SLCO1B3: variants seen among roughly 807,000 people sequenced by gnomAD.
SLCO1B3 encodes solute carrier organic anion transporter family member 1B3.
SLCO1B3 carries 72 observed loss-of-function variants against 71.8 expected under a neutral mutation model. That is an observed-to-expected ratio of 1.00 (90% CI 0.83 to 1.22). The LOEUF is 1.22. SLCO1B3 is among the 50% of genes most tolerant of loss of function. The pLI, the probability that SLCO1B3 is intolerant of heterozygous loss-of-function variation, is 0.00. For missense variants in SLCO1B3, 911 were observed against 819.7 expected, an observed-to-expected ratio of 1.11 and a Z score of -1.36; for synonymous variants, 298 against 278.4, an observed-to-expected ratio of 1.07 and a Z score of -0.70.
chr12:20,849,683 A>G (rs1864983254), intron 3 of SLCO1B3, among the ~76,000 whole-genome samples: 1 of 59,276 alleles, frequency 1.7e-5, no homozygotes, highest in Admixed American at 2.4e-4. Context: ...TAGAGCTAAT[A>G]AATAAAGAAA....
chr12:20,869,486 T>G (rs770557265), intron 8 of SLCO1B3, among the ~76,000 whole-genome samples: 20 of 152,188 alleles, frequency 1.3e-4, no homozygotes, highest in Non-Finnish European at 2.8e-4. Context: ...AAGATCTATA[T>G]CTGGTATAAC....
intron 13 of SLCO1B3, among the ~76,000 whole-genome samples, chr12:20,896,772 G>A (rs1425242251): frequency 6.6e-6 from 1 of 152,066 alleles, no homozygotes; most frequent in Non-Finnish European, 1.5e-5. Flanking sequence ...TACTGTATTA[G>A]TTTGTTTTTA....
chr12:20,915,985 C>G lies in SLCO1B3; in HGVS notation c.1866-19C>G. ...CACATTTAAAATAATAATCGACTCT[C>G]TATTTTCTCTTTTCACAGAAGGGTC... is the stretch of plus-strand genomic sequence containing the variant. On this transcript the variant is annotated intron_variant, in intron 15 of 15. Coordinates refer to ENST00000381545, the MANE Select transcript of SLCO1B3 (RefSeq NM_019844.4). 1.3e-6 allele frequency: 2 copies of G among 1,563,456 alleles called. No homozygotes were observed. The highest frequency in any genetic ancestry group is 1.7e-6 in the Non-Finnish European group (2 of 1,150,256).
intron 3 of SLCO1B3, among the ~76,000 whole-genome samples, chr12:20,853,427 T>G (rs1368586831): frequency 1.3e-5 from 2 of 152,046 alleles, no homozygotes; most frequent in African/African-American, 2.4e-5. Context: ...TCTGTTCAGA[T>G]TTTTAAAATT....
chr12:20,849,340 A>G (rs1177360904), intron 3 of SLCO1B3, among the ~76,000 whole-genome samples: 12 of 151,988 alleles, frequency 7.9e-5, no homozygotes, highest in Non-Finnish European at 1.3e-4. Flanking sequence ...TGCATTTGAC[A>G]CAAATCCAAC....
At chr12:20,851,907 G>A (rs1486054903) in intron 3 of SLCO1B3, among the ~76,000 whole-genome samples, 1 of 65,764 alleles carries the variant, frequency 1.5e-5, no homozygotes, top group Non-Finnish European at 5.4e-5. Flanking sequence ...AATTGTTGAA[G>A]AGACTGGTTC....
intron 2 of SLCO1B3, among the ~76,000 whole-genome samples, chr12:20,815,146 A>G (rs970630020): frequency 6.6e-6 from 1 of 152,044 alleles, no homozygotes; most frequent in Non-Finnish European, 1.5e-5. Flanking sequence ...AAACAAATCC[A>G]AACTTTATCT....
intron 13 of SLCO1B3, among the ~76,000 whole-genome samples, chr12:20,889,673 T>A (rs993810260): frequency 2.6e-5 from 4 of 152,138 alleles, no homozygotes; most frequent in Non-Finnish European, 4.4e-5. Flanking sequence ...CCTTTGTAAT[T>A]TTTTTGCCCA....
Position 20,898,471 on chromosome 12 carries a change from GT to G in SLCO1B3, c.1721del (p.Phe574SerfsTer6). ...VQPELKALAM[G>X]FQSMVIRTLG... is the part of the protein sequence containing the mutation. ...CCTGAATTGAAAGCACTTGCAATGG[GT>G]TTCCAGTCAATGGTTATAAGAACAC... On this transcript the variant is annotated frameshift_variant, in exon 14 of 16. Transcript: ENST00000381545. LOFTEE classifies it high-confidence loss of function. 1 of 1,595,482 alleles carries G rather than the reference GT, an allele frequency of 6.3e-7. No homozygotes were observed. The highest frequency in any genetic ancestry group is 8.6e-7 in the Non-Finnish European group (1 of 1,166,202).
chr12:20,848,390 G>A (rs1454906255), intron 3 of SLCO1B3, among the ~76,000 whole-genome samples: 4 of 152,138 alleles, frequency 2.6e-5, no homozygotes, highest in Admixed American at 1.3e-4. Flanking sequence ...TGGTAGGAAT[G>A]CAAAATGGTA....
At chr12:20,886,484 G>A (rs1865795504) in intron 13 of SLCO1B3, among the ~76,000 whole-genome samples, 1 of 152,050 alleles carries the variant, frequency 6.6e-6, no homozygotes, top group Non-Finnish European at 1.5e-5. Context: ...GGAAACTGAG[G>A]AGGTCCCATG....
chr12:20,884,513 A>G (rs998364119), intron 13 of SLCO1B3, among the ~76,000 whole-genome samples: 2 of 152,094 alleles, frequency 1.3e-5, no homozygotes, highest in African/African-American at 4.8e-5. Flanking sequence ...AGGAATGAAA[A>G]GAAGCCAGTT....
At chr12:20,893,350 G>C (rs774050185) in intron 13 of SLCO1B3, among the ~76,000 whole-genome samples, 4 of 152,192 alleles carry the variant, frequency 2.6e-5, no homozygotes. Flanking sequence ...ATGACAGGGA[G>C]TTTGGAATGA....
chr12:20,822,890 T>G (rs1268630920), intron 3 of SLCO1B3, among the ~76,000 whole-genome samples: 1 of 152,180 alleles, frequency 6.6e-6, no homozygotes, highest in Non-Finnish European at 1.5e-5. Flanking sequence ...TATTTTCCTT[T>G]CATACCCCTG....
chr12:20,829,337 T>A (rs1378763845), intron 3 of SLCO1B3, among the ~76,000 whole-genome samples: 1 of 152,134 alleles, frequency 6.6e-6, no homozygotes, highest in African/African-American at 2.4e-5. Flanking sequence ...CTCTCTACCA[T>A]CCTAGAAGCA....
At chr12:20,832,649 T>C (rs1864569366) in intron 3 of SLCO1B3, among the ~76,000 whole-genome samples, 1 of 152,162 alleles carries the variant, frequency 6.6e-6, no homozygotes, top group Non-Finnish European at 1.5e-5. Flanking sequence ...CATGGTGGCC[T>C]TTTTGCTGTT....
At chr12:20,905,613 G>A (rs187626427) in intron 15 of SLCO1B3, among the ~76,000 whole-genome samples, 69 of 152,212 alleles carry the variant, frequency 4.5e-4, no homozygotes, top group African/African-American at 1.6e-3. Context: ...CTAGAGCAGG[G>A]ACAAAATGCC....
At chr12:20,856,916 G>C (rs536554293) in intron 4 of SLCO1B3, among the ~76,000 whole-genome samples, 29 of 152,214 alleles carry the variant, frequency 1.9e-4, no homozygotes, top group African/African-American at 6.7e-4. Context: ...GGTGTCTACA[G>C]AGCATCTTAG....
At chr12:20,870,030 A>G (rs902635103) in intron 8 of SLCO1B3, among the ~76,000 whole-genome samples, 4 of 152,112 alleles carry the variant, frequency 2.6e-5, no homozygotes, top group Non-Finnish European at 5.9e-5. Context: ...AGCCATCCTA[A>G]TGGGTGTATG....
Sources: gnomAD v4.1 joint callset for allele counts (sites outside exome capture counted in the v4.1 genomes callset) on GRCh38, gnomAD v4.1.1 for gene constraint, MANE v1.5 for transcripts, NCBI Gene and HGNC (gene_info 2026-07-23, HGNC 2026-07-21) for gene names.